Variants in CFAP47 observed in about 807,000 individuals in gnomAD.
CFAP47 encodes cilia and flagella associated protein 47.
Under a neutral mutation model 148.1 loss-of-function variants are expected in CFAP47, and 29 were observed. The ratio of observed to expected loss-of-function variants is 0.20; its 90% CI spans 0.15 to 0.27. CFAP47 has a LOEUF of 0.27. Ranked by LOEUF, CFAP47 falls within the 10% of genes least tolerant of loss-of-function variation. The pLI, the probability that CFAP47 is intolerant of heterozygous loss-of-function variation, is 1.00. For missense variants in CFAP47, 1,872 were observed against 1,697.5 expected, an observed-to-expected ratio of 1.10 and a Z score of -1.81; for synonymous variants, 664 against 577.3, an observed-to-expected ratio of 1.15 and a Z score of -2.15.
At chrX:36,371,693 T>TAC (rs782518302) in intron 62 of CFAP47, among the ~76,000 whole-genome samples, 1 of 70,039 alleles carries the variant, frequency 1.4e-5, no homozygotes, top group African/African-American at 6.7e-5. Context: ...TGTGTGTATA[T>TAC]ACACACATGT....
At position 36,254,334 on chromosome X, in the gene CFAP47, G is replaced by A. The variant is rs987179884; in HGVS notation, c.7444+2890G>A. 3.6e-5 allele frequency among the ~76,000 whole-genome samples: 4 copies of A among 111,590 alleles called. No homozygotes were observed. In the South Asian group the frequency reaches 1.1e-3, roughly 31 times the overall value. ...GTAGATGGATGTGTTTGGAGTGCATGTGTGAGGTAGGGAGTGCAGAGTGAC... is the reference window on the plus strand; with the variant it reads ...GTAGATGGATGTGTTTGGAGTGCATATGTGAGGTAGGGAGTGCAGAGTGAC... On this transcript the variant is annotated intron_variant, in intron 49 of 63. Coordinates refer to ENST00000378653, the MANE Select transcript of CFAP47 (RefSeq NM_001304548.2).
intron 13 of CFAP47, among the ~76,000 whole-genome samples, chrX:35,974,745 AG>A (rs1261662483): frequency 9.0e-6 from 1 of 111,646 alleles, no homozygotes; most frequent in Non-Finnish European, 1.9e-5. Flanking sequence ...GGGCATTTTA[AG>A]GGGAAAACTT....
intron 48 of CFAP47, among the ~76,000 whole-genome samples, chrX:36,237,446 C>T (rs1940483523): frequency 9.0e-6 from 1 of 111,285 alleles, no homozygotes. Context: ...TCTTGTGTCT[C>T]AGCCTCCCAA....
intron 15 of CFAP47, among the ~76,000 whole-genome samples, chrX:35,980,728 C>T (rs1339389940): frequency 9.0e-6 from 1 of 110,523 alleles, no homozygotes; most frequent in Non-Finnish European, 1.9e-5. Context: ...GTTCCTCTTC[C>T]CAACAGGACC....
chrX:36,077,013 A>C (rs899857608), intron 29 of CFAP47, among the ~76,000 whole-genome samples: 1 of 109,202 alleles, frequency 9.2e-6, no homozygotes, highest in Non-Finnish European at 1.9e-5. Flanking sequence ...TCCATTGCTT[A>C]TTTTTGTTGA....
chrX:36,065,526 AAG>A (rs772402192), intron 26 of CFAP47, 115 bp from the exon 27 acceptor site: 3 of 457,920 alleles, frequency 6.6e-6, no homozygotes, highest in Non-Finnish European at 1.1e-5. Context: ...AGTAAGTAGA[AAG>A]AAAAAATGAA....
Position 36,138,349 on chromosome X carries a change from T to C in CFAP47, c.5420T>C (p.Ile1807Thr), listed in dbSNP as rs1200602461. The change falls in exon 35 of 64, where the codon ATT becomes ACT. Residue 1807 changes from isoleucine (I) to threonine (T), a missense_variant and splice_region_variant. Coordinates refer to ENST00000378653, the MANE Select transcript of CFAP47 (RefSeq NM_001304548.2). ...TQLGAYCPFLIESHFINMYTR... is the reference protein window; with the variant it reads ...TQLGAYCPFLTESHFINMYTR... ...GGTTTGATTTTTTTTTTTTTACAGA[T>C]TGAGTCTCATTTTATAAATATGTAC... The C allele has an allele frequency of 2.7e-6, 3 of 1,120,814 alleles. No individual in the cohort carries two copies. Among genetic ancestry groups the C allele is most frequent in the Non-Finnish European group, 1.2e-6 (1 of 855,419 alleles). The allele number at this position is 1,120,814 out of a possible 1,213,427, so 92.4% of individuals were successfully genotyped here. A position where few individuals can be genotyped will look rare whatever the true frequency, so the allele number is the denominator to read the frequency against.
intron 33 of CFAP47, among the ~76,000 whole-genome samples, chrX:36,117,168 A>G (rs1315715561): frequency 8.9e-6 from 1 of 111,885 alleles, no homozygotes; most frequent in Non-Finnish European, 1.9e-5. Context: ...TGAGCACTTA[A>G]TTTGCTTCCA....
chrX:35,995,456 A>C (rs1008517261), intron 18 of CFAP47, among the ~76,000 whole-genome samples: 1 of 111,592 alleles, frequency 9.0e-6, no homozygotes, highest in Non-Finnish European at 1.9e-5. Flanking sequence ...GATGGAATGC[A>C]GAGTTATTAG....
intron 8 of CFAP47, among the ~76,000 whole-genome samples, chrX:35,956,922 A>G (rs1036471303): frequency 9.0e-6 from 1 of 111,726 alleles, no homozygotes; most frequent in Non-Finnish European, 1.9e-5. Context: ...ATACAAAAAG[A>G]CAGAGTTGGC....
intron 22 of CFAP47, among the ~76,000 whole-genome samples, chrX:36,026,395 C>T (rs1012274726): frequency 2.7e-5 from 3 of 111,094 alleles, no homozygotes; most frequent in African/African-American, 9.8e-5. Context: ...TTAACATATC[C>T]GTCATATCCA....
At chrX:36,089,732 G>A (rs1007912376) in intron 30 of CFAP47, among the ~76,000 whole-genome samples, 4 of 111,746 alleles carry the variant, frequency 3.6e-5, no homozygotes, top group Non-Finnish European at 7.5e-5. Context: ...CGGATGCTAG[G>A]CTTAATATTG....
chrX:36,066,404 C>T (rs925415485), intron 27 of CFAP47, among the ~76,000 whole-genome samples: 30 of 111,293 alleles, frequency 2.7e-4, no homozygotes, highest in Non-Finnish European at 2.8e-4. Context: ...TCTGATGAAA[C>T]ATATTTAGTC....
chrX:36,244,478 G>T (rs1339937085), intron 48 of CFAP47, among the ~76,000 whole-genome samples: 1 of 110,970 alleles, frequency 9.0e-6, no homozygotes. Context: ...AAGATAGAAA[G>T]TGCACTAGCT....
At chrX:36,243,770 C>T (rs1411526237) in intron 48 of CFAP47, among the ~76,000 whole-genome samples, 1 of 103,522 alleles carries the variant, frequency 9.7e-6, no homozygotes, top group Non-Finnish European at 2.0e-5. Context: ...TAGTGGGAGA[C>T]TTCAACGCCC....
At chrX:36,157,176 A>G (rs1157440843) in intron 37 of CFAP47, among the ~76,000 whole-genome samples, 1 of 112,176 alleles carries the variant, frequency 8.9e-6, no homozygotes, top group Admixed American at 9.5e-5. Flanking sequence ...TCTGAAATCT[A>G]TCCTCTATAT....
chrX:36,228,524 G>C, intron 45 of CFAP47, 104 bp from the exon 46 acceptor site: 3 of 465,005 alleles, frequency 6.5e-6, no homozygotes, highest in Non-Finnish European at 1.2e-5. Context: ...CCTATTCTAG[G>C]TTATGCAGTA....
rs764424018 is a variant in CFAP47 at position 36,142,905 on chromosome X, T to G, written c.5536-2314T>G. On this transcript the variant is annotated intron_variant, in intron 35 of 63. Transcript: ENST00000378653. ...CCTCCCGTCACCCTAGATAGCCCTC[T>G]TCGGATCATACCCTATAGGTTGATT... 3.3e-3 allele frequency among the ~76,000 whole-genome samples: 365 copies of G among 110,666 alleles called. 4 individuals are homozygous for G. The highest frequency in any genetic ancestry group is 0.012 in the African/African-American group (357 of 30,421).
chrX:36,149,583 A>T (rs969804017), intron 37 of CFAP47, among the ~76,000 whole-genome samples: 17 of 100,711 alleles, frequency 1.7e-4, no homozygotes, highest in South Asian at 4.8e-4. Flanking sequence ...AGATATATAT[A>T]TTTTATTTAT....
Sources: gnomAD v4.1 joint callset for allele counts (sites outside exome capture counted in the v4.1 genomes callset) on GRCh38, gnomAD v4.1.1 for gene constraint, MANE v1.5 for transcripts, NCBI Gene and HGNC (gene_info 2026-07-23, HGNC 2026-07-21) for gene names.